The following KLHL20 variants were observed in gnomAD, a reference collection of about 807,000 sequenced individuals.
The protein encoded by KLHL20 is kelch like family member 20, also known as kelch-like protein 20.
A neutral mutation model predicts 69.5 loss-of-function variants in KLHL20; 29 were observed. The ratio of observed to expected loss-of-function variants is 0.42; its 90% CI spans 0.31 to 0.57. KLHL20 has a LOEUF of 0.57. Ranked by LOEUF, KLHL20 falls within the 20% of genes least tolerant of loss-of-function variation. KLHL20 has a pLI of 0.18. For missense variants in KLHL20, 419 were observed against 776.0 expected (o/e 0.54, Z 5.47); for synonymous variants, 253 against 265.2 (o/e 0.95, Z 0.45).
intron 1 of KLHL20, chr1:173,715,748 A>G (rs114409728): frequency 7.8e-6 from 3 of 382,616 alleles, no homozygotes; most frequent in African/African-American, 6.1e-5. Context: ...TTGAAGAGAA[A>G]CAAGACTGAC....
At chr1:173,779,831 C>A (rs990238919) in intron 10 of KLHL20, among the ~76,000 whole-genome samples, 1 of 152,180 alleles carries the variant, frequency 6.6e-6, no homozygotes, top group Non-Finnish European at 1.5e-5. Context: ...CACCCCTAGT[C>A]CCCACAAACT....
At chr1:173,734,623 T>C in intron 3 of KLHL20, 1 of 246,250 alleles carries the variant, frequency 4.1e-6, no homozygotes, top group East Asian at 1.0e-4. Flanking sequence ...ATATAAGATA[T>C]TTCCTTCCTG....
Position 173,751,808 on chromosome 1 carries a change from C to T in KLHL20, c.642C>T (p.Leu214=). 6.2e-7 allele frequency: 1 copy of T among 1,614,010 alleles called. No homozygotes were observed. Among genetic ancestry groups the T allele is most frequent in the Non-Finnish European group, 8.5e-7 (1 of 1,179,932 alleles). Residue 214 remains leucine (L), a synonymous_variant, in exon 4 of 12, where the codon CTC becomes CTT. Transcript: ENST00000209884. ...TCATGTTGCTTCCAGCCAATCAACT[C>T]ATTGATATAATATCCAGTGATGAGC... ...EEFMLLPANQ[L]IDIISSDELN...
rs955782934 is a variant in KLHL20 at position 173,766,758 on chromosome 1, G to A, written c.1295+469G>A. ...CAAAAAGTCTTCAGTTGATCTTAAA[G>A]TCTAGGAAAATGAAAGATCTAAAAA... On this transcript the variant is annotated intron_variant, in intron 8 of 11. Transcript: ENST00000209884. Among the ~76,000 whole-genome samples, 3 of 151,698 alleles carry A rather than the reference G, an allele frequency of 2.0e-5. No homozygotes were observed. The East Asian group carries it at 5.8e-4, about 29-fold the overall frequency.
intron 3 of KLHL20, 25 bp from the exon 4 acceptor site, chr1:173,751,739 T>C (rs1558203453): frequency 6.2e-7 from 1 of 1,610,514 alleles, no homozygotes; most frequent in Non-Finnish European, 8.5e-7. Context: ...AGGATTTTTT[T>C]TTCTTCTTAC....
At chr1:173,724,753 C>T (rs537443474) in intron 2 of KLHL20, among the ~76,000 whole-genome samples, 2 of 152,066 alleles carry the variant, frequency 1.3e-5, no homozygotes, top group African/African-American at 2.4e-5. Context: ...TGTAGTAAGC[C>T]GTGATCAAAC....
Position 173,773,271 on chromosome 1 carries a change from C to CT in KLHL20, c.1296-1022dup, listed in dbSNP as rs942557054. ...ACAGGCATGAGCCACCACACACAGCCTTTTTTTTTTTTATCTTTTTTTTAA... is the reference window on the plus strand; with the variant it reads ...ACAGGCATGAGCCACCACACACAGCCTTTTTTTTTTTTTATCTTTTTTTTAA... On this transcript the variant is annotated intron_variant, in intron 8 of 11. Coordinates refer to ENST00000209884, the MANE Select transcript of KLHL20 (RefSeq NM_014458.4). 2.0e-3 allele frequency among the ~76,000 whole-genome samples: 282 copies of CT among 142,702 alleles called. 1 individual carries two copies. The highest frequency in any genetic ancestry group is 0.014 in the Middle Eastern group (4 of 276). 93.6% of individuals were successfully genotyped at this position (142,702 alleles called of 152,430 possible). A position where few individuals can be genotyped will look rare whatever the true frequency, so the allele number is the denominator to read the frequency against.
chr1:173,759,829 A>C (rs573628778), intron 7 of KLHL20, among the ~76,000 whole-genome samples: 2 of 151,946 alleles, frequency 1.3e-5, no homozygotes, highest in East Asian at 1.9e-4. Context: ...CAACACCCCC[A>C]AAAAATCATA....
intron 3 of KLHL20, among the ~76,000 whole-genome samples, chr1:173,742,989 C>G (rs925792541): frequency 6.6e-6 from 1 of 151,028 alleles, no homozygotes; most frequent in Non-Finnish European, 1.5e-5. Flanking sequence ...CAATGTCAAA[C>G]TCAGAAAATC....
chr1:173,715,291 A>G (rs1671416346), intron 1 of KLHL20: 1 of 152,308 alleles, frequency 6.6e-6, no homozygotes, highest in Non-Finnish European at 1.5e-5. Context: ...CTCGGGAGCC[A>G]GAGGAGGCCC....
At chr1:173,738,720 C>T (rs896871947) in intron 3 of KLHL20, among the ~76,000 whole-genome samples, 1 of 152,150 alleles carries the variant, frequency 6.6e-6, no homozygotes, top group African/African-American at 2.4e-5. Context: ...TAGATTTTGT[C>T]AAATGCTTTT....
chr1:173,766,032 C>T (rs1647681038), intron 7 of KLHL20, 114 bp from the exon 8 acceptor site: 3 of 784,418 alleles, frequency 3.8e-6, no homozygotes, highest in Non-Finnish European at 5.5e-6. Flanking sequence ...TATTAATCAG[C>T]CCATACTTAG....
chr1:173,720,465 T>C (rs1481676565), intron 2 of KLHL20, among the ~76,000 whole-genome samples: 1 of 152,096 alleles, frequency 6.6e-6, no homozygotes, highest in Non-Finnish European at 1.5e-5. Context: ...GCTACAACAG[T>C]GGGAAAGAAT....
At chr1:173,726,895 G>A (rs561770446) in intron 2 of KLHL20, among the ~76,000 whole-genome samples, 10 of 152,300 alleles carry the variant, frequency 6.6e-5, no homozygotes, top group East Asian at 1.9e-4. Flanking sequence ...AAAGCTGGAC[G>A]GAGAATGACT....
chr1:173,751,095 C>T (rs1673292219), intron 3 of KLHL20, among the ~76,000 whole-genome samples: 1 of 152,114 alleles, frequency 6.6e-6, no homozygotes, highest in Non-Finnish European at 1.5e-5. Flanking sequence ...CTGCGTTGCA[C>T]CCTGTCCCTT....
At chr1:173,727,890 A>G (rs1039482578) in intron 2 of KLHL20, among the ~76,000 whole-genome samples, 1 of 152,226 alleles carries the variant, frequency 6.6e-6, no homozygotes, top group Non-Finnish European at 1.5e-5. Context: ...GATCAAATCC[A>G]CACATAACAA....
chr1:173,781,967 T>TA, intron 10 of KLHL20, 157 bp from the exon 11 acceptor site: 1 of 548,734 alleles, frequency 1.8e-6, no homozygotes, highest in South Asian at 2.6e-5. Context: ...CATAATTTGA[T>TA]AGACTTTTGT....
chr1:173,782,031 A>G, intron 10 of KLHL20, 93 bp from the exon 11 acceptor site: 1 of 849,870 alleles, frequency 1.2e-6, no homozygotes, highest in Non-Finnish European at 1.9e-6. Context: ...ATAAAGAATT[A>G]TCTTTTGTAA....
At chr1:173,728,917 C>CA (rs1216978510) in intron 2 of KLHL20, among the ~76,000 whole-genome samples, 1 of 152,044 alleles carries the variant, frequency 6.6e-6, no homozygotes, top group East Asian at 1.9e-4. Flanking sequence ...AAAACCCCTT[C>CA]AAAAAATCAA....
Sources: allele counts gnomAD v4.1 joint callset (sites outside exome capture counted in the v4.1 genomes callset), GRCh38; gene constraint gnomAD v4.1.1; transcripts MANE v1.5; gene names NCBI Gene and HGNC (gene_info 2026-07-23, HGNC 2026-07-21).